ZNF385D: variants seen among roughly 807,000 people sequenced by gnomAD.
ZNF385D encodes the protein zinc finger protein 385D.
A neutral mutation model predicts 35.8 loss-of-function variants in ZNF385D; 15 were observed. The observed-to-expected ratio is 0.42, with a 90% CI of 0.28 to 0.64. The LOEUF (loss-of-function observed/expected upper bound fraction) is 0.64, where lower values mean the gene tolerates loss of function less well. ZNF385D is among the 30% of genes least tolerant of loss of function. The pLI is 0.23. For synonymous variants in ZNF385D, 212 were observed against 186.8 expected (o/e 1.13, Z -1.10); for missense variants, 474 against 494.6 (o/e 0.96, Z 0.39).
Position 21,993,793 on chromosome 3 carries a change from C to G in ZNF385D, c.325+175024G>C, listed in dbSNP as rs192719830. The stretch of plus-strand genomic sequence containing the variant: ...TGCTTCCAATGGGACACTGTCAAGA[C>G]CACATATAGCGTCCTTACTCATACA... On this transcript the variant is annotated intron_variant, in intron 3 of 5. Coordinates refer to the ZNF385D transcript ENST00000494108. 2.8e-4 allele frequency among the ~76,000 whole-genome samples: 43 copies of G among 152,302 alleles called. 1 individual carries two copies. The highest frequency in any genetic ancestry group is 6.8e-3 in the Middle Eastern group (2 of 294).
intron 1 of ZNF385D, among the ~76,000 whole-genome samples, chr3:21,716,534 A>C (rs984559618): frequency 9.9e-5 from 15 of 152,072 alleles, no homozygotes; most frequent in Non-Finnish European, 5.9e-5. Context: ...AATGACTATG[A>C]ATAACCTGTG....
At chr3:21,542,591 TCTTA>T (rs902456578) in intron 3 of ZNF385D, among the ~76,000 whole-genome samples, 1 of 152,130 alleles carries the variant, frequency 6.6e-6, no homozygotes, top group Non-Finnish European at 1.5e-5. Context: ...CCAGTGATCC[TCTTA>T]CTTCCACCTC....
intron 3 of ZNF385D, among the ~76,000 whole-genome samples, chr3:22,016,538 G>C (rs1696898682): frequency 6.6e-6 from 1 of 152,046 alleles, no homozygotes; most frequent in African/African-American, 2.4e-5. Context: ...GAATACAAAA[G>C]AGTGAGAAAA....
intron 3 of ZNF385D, among the ~76,000 whole-genome samples, chr3:21,970,550 G>T (rs1434522294): frequency 1.3e-5 from 2 of 151,854 alleles, no homozygotes; most frequent in Admixed American, 1.3e-4. Context: ...AGCATGCTTG[G>T]AAAACCTAGA....
chr3:21,495,381 G>A (rs955133564), intron 4 of ZNF385D, among the ~76,000 whole-genome samples: 5 of 152,048 alleles, frequency 3.3e-5, no homozygotes, highest in Admixed American at 1.3e-4. Context: ...AATGAAAATA[G>A]AAATCAATCC....
chr3:22,173,649 A>C (rs1167101080), intron 2 of ZNF385D, among the ~76,000 whole-genome samples: 9 of 152,152 alleles, frequency 5.9e-5, no homozygotes, highest in Non-Finnish European at 1.0e-4. Context: ...ATGTGATTTG[A>C]AGAATGAGGG....
intron 3 of ZNF385D, among the ~76,000 whole-genome samples, chr3:21,927,976 TA>T (rs1700816531): frequency 6.6e-6 from 1 of 151,900 alleles, no homozygotes; most frequent in African/African-American, 2.4e-5. Flanking sequence ...GAAATCCCAA[TA>T]TTTTGGGAGG....
intron 3 of ZNF385D, among the ~76,000 whole-genome samples, chr3:22,092,655 A>C (rs1014779959): frequency 5.3e-5 from 8 of 152,024 alleles, no homozygotes; most frequent in African/African-American, 1.7e-4. Context: ...GGCCCCTATA[A>C]TTTGCTATTA....
intron 3 of ZNF385D, among the ~76,000 whole-genome samples, chr3:22,075,364 C>T (rs1700412519): frequency 6.6e-6 from 1 of 151,920 alleles, no homozygotes; most frequent in African/African-American, 2.4e-5. Flanking sequence ...CCAATTCATT[C>T]TTCAATTTCA....
chr3:22,333,897 T>C (rs1334413236), intron 2 of ZNF385D, among the ~76,000 whole-genome samples: 4 of 152,192 alleles, frequency 2.6e-5, no homozygotes, highest in South Asian at 2.1e-4. Context: ...TCTGGTCTTA[T>C]TCCCCAATGT....
At chr3:22,030,285 A>ATATATC (rs1553591345) in intron 3 of ZNF385D, among the ~76,000 whole-genome samples, 1 of 86,738 alleles carries the variant, frequency 1.2e-5, no homozygotes. Flanking sequence ...ATATATATAT[A>ATATATC]TATATATATA....
intron 3 of ZNF385D, among the ~76,000 whole-genome samples, chr3:21,540,011 TAA>T (rs1433742403): frequency 3.3e-5 from 5 of 152,226 alleles, no homozygotes; most frequent in South Asian, 2.1e-4. Flanking sequence ...AAACCTAACT[TAA>T]GAGACCATTA....
chr3:21,907,664 G>A (rs1428703291), intron 3 of ZNF385D, among the ~76,000 whole-genome samples: 1 of 151,978 alleles, frequency 6.6e-6, no homozygotes, highest in African/African-American at 2.4e-5. Context: ...CTTCACAATG[G>A]TTGTTCCTAA....
intron 3 of ZNF385D, among the ~76,000 whole-genome samples, chr3:21,830,702 T>C (rs545603256): frequency 2.0e-3 from 304 of 152,352 alleles, no homozygotes; most frequent in Non-Finnish European, 3.5e-3. Context: ...AAATGTTAAA[T>C]AAGTGTTCCT....
intron 3 of ZNF385D, among the ~76,000 whole-genome samples, chr3:22,051,209 T>G (rs529676324): frequency 1.8e-4 from 1 of 5,506 alleles, no homozygotes; most frequent in Admixed American, 2.3e-3. Context: ...ATATTTAGGA[T>G]AGTTAGCTCC....
At chr3:21,666,695 C>G (rs1001476754) in intron 1 of ZNF385D, among the ~76,000 whole-genome samples, 1 of 152,100 alleles carries the variant, frequency 6.6e-6, no homozygotes, top group African/African-American at 2.4e-5. Context: ...AGTGATAGAC[C>G]TGTCATGAGT....
chr3:22,041,099 C>T (rs1048660718), intron 3 of ZNF385D, among the ~76,000 whole-genome samples: 1 of 152,100 alleles, frequency 6.6e-6, no homozygotes, highest in Non-Finnish European at 1.5e-5. Flanking sequence ...TTCTCCCGCT[C>T]TGTCACTCTC....
At chr3:22,193,234 A>G (rs577973063) in intron 2 of ZNF385D, among the ~76,000 whole-genome samples, 1 of 152,034 alleles carries the variant, frequency 6.6e-6, no homozygotes, top group Non-Finnish European at 1.5e-5. Flanking sequence ...GGCAGAATAA[A>G]CTCTTTCACA....
chr3:21,702,940 G>A (rs1027362466), intron 1 of ZNF385D, among the ~76,000 whole-genome samples: 3 of 152,076 alleles, frequency 2.0e-5, no homozygotes, highest in African/African-American at 7.2e-5. Flanking sequence ...AAGTCTCTAG[G>A]AAGTTCCAAA....
Sources: allele counts gnomAD v4.1 joint callset (sites outside exome capture counted in the v4.1 genomes callset), GRCh38; gene constraint gnomAD v4.1.1; transcripts MANE v1.5; gene names NCBI Gene and HGNC (gene_info 2026-07-23, HGNC 2026-07-21).